Variants in NDUFS7 observed in about 807,000 individuals in gnomAD.
The protein encoded by NDUFS7 is NADH:ubiquinone oxidoreductase core subunit S7, also known as NADH dehydrogenase [ubiquinone] iron-sulfur protein 7, mitochondrial.
Under a neutral mutation model 31.1 loss-of-function variants are expected in NDUFS7, and 11 were observed. The ratio of observed to expected loss-of-function variants is 0.35; its 90% CI spans 0.22 to 0.59. The LOEUF is 0.59. Ranked by LOEUF, NDUFS7 falls within the 20% of genes least tolerant of loss-of-function variation. NDUFS7 has a pLI of 0.79. For missense variants in NDUFS7, 263 were observed against 324.2 expected (o/e 0.81, Z 1.45); for synonymous variants, 136 against 127.9 (o/e 1.06, Z -0.43).
chr19:1,395,362 G>A (rs1600155219), intron 7 of NDUFS7, 29 bp from the exon 8 acceptor site: 1 of 1,590,048 alleles, frequency 6.3e-7, no homozygotes, highest in East Asian at 2.3e-5. Context: ...CCGGCTGCGG[G>A]AAGCGAGACT....
rs986907405 is a variant in NDUFS7, at chr19:1,390,552, T to C, written c.229-319T>C. 7.9e-6 allele frequency: 4 copies of C among 509,040 alleles called. No homozygotes were observed. The East Asian group carries it at 1.4e-4, about 18-fold the overall frequency. 31.5% of individuals were successfully genotyped at this position (509,040 alleles called of 1,614,324 possible). ...GGTTAGACCTGCGCTACTACTCGCC[T>C]GTAGCCCACGCGCTCAGAGAGTGGC... On this transcript the variant is annotated intron_variant, in intron 4 of 7. Coordinates refer to ENST00000233627, the MANE Select transcript of NDUFS7 (RefSeq NM_024407.5).
Position 1,393,423 on chromosome 19 carries a change from C to A in NDUFS7, c.544+93C>A. On this transcript the variant is annotated intron_variant, in intron 7 of 7. Coordinates refer to ENST00000233627, the MANE Select transcript of NDUFS7 (RefSeq NM_024407.5). The surrounding 1 kb of genome is among the most constrained non-coding windows in gnomAD (Gnocchi z 7.3). ...GCCCCTGTGAGGGAGTCCCACACCC[C>A]CAGCAGACGGCGGGCTCCCCCATCC... 1.9e-6 allele frequency: 2 copies of A among 1,064,760 alleles called. No individual in the cohort carries two copies. Among genetic ancestry groups the A allele is most frequent in the Non-Finnish European group, 2.8e-6 (2 of 716,196 alleles). 66.0% of individuals were successfully genotyped at this position (1,064,760 alleles called of 1,614,324 possible).
At chr19:1,394,277 C>A in intron 7 of NDUFS7, 3 of 1,068,520 alleles carry the variant, frequency 2.8e-6, no homozygotes, top group Non-Finnish European at 3.8e-6. Flanking sequence ...GAGAGGGCAG[C>A]CTGGGCCTCC....
intron 4 of NDUFS7, chr19:1,389,442 GA>G (rs1250976079): frequency 1.3e-5 from 6 of 457,882 alleles, no homozygotes; most frequent in African/African-American, 2.0e-5. Flanking sequence ...GAGCAGGGCG[GA>G]CCCTCCCGGA....
chr19:1,392,293 C>T (rs1027833933), intron 6 of NDUFS7: 1 of 152,264 alleles, frequency 6.6e-6, no homozygotes, highest in African/African-American at 2.4e-5. Context: ...GCTGGGATTA[C>T]AGATGTACTC....
chr19:1,394,708 CT>C (rs1325565308), intron 7 of NDUFS7: 1 of 1,192,038 alleles, frequency 8.4e-7, no homozygotes, highest in Non-Finnish European at 1.1e-6. Flanking sequence ...GACTGTGCTT[CT>C]CCCTCCCTTG....
At chr19:1,391,411 C>T (rs577567737) in intron 6 of NDUFS7, among the ~76,000 whole-genome samples, 39 of 152,214 alleles carry the variant, frequency 2.6e-4, no homozygotes, top group African/African-American at 9.4e-4. Flanking sequence ...CTCTGCTTTA[C>T]TCACACATAA....
intron 4 of NDUFS7, chr19:1,390,628 A>G: frequency 1.7e-6 from 1 of 586,852 alleles, no homozygotes; most frequent in East Asian, 2.8e-5. Context: ...GGTTCGAGGA[A>G]CTATGTGATG....
intron 3 of NDUFS7, 97 bp from the exon 4 acceptor site, chr19:1,388,736 G>A: frequency 6.9e-7 from 1 of 1,444,912 alleles, no homozygotes; most frequent in East Asian, 2.5e-5. Context: ...ACCTCATGTG[G>A]GTCCAGGCCT....
At chr19:1,387,746 G>A (rs958165809) in intron 1 of NDUFS7, 65 bp from the exon 2 acceptor site, 37 of 1,497,020 alleles carry the variant, frequency 2.5e-5, no homozygotes, top group Middle Eastern at 1.7e-4. Context: ...ATGGGGAAGC[G>A]CCTGGAGGCC....
chr19:1,395,108 G>A, intron 7 of NDUFS7: 1 of 1,338,342 alleles, frequency 7.5e-7, no homozygotes. Flanking sequence ...CCGGGGGCCG[G>A]GTTAGTGAGG....
chr19:1,394,586 C>T, intron 7 of NDUFS7: 1 of 1,220,388 alleles, frequency 8.2e-7, no homozygotes, highest in Non-Finnish European at 1.0e-6. Flanking sequence ...GCGGACCGCG[C>T]TCGGCCCTCC....
At position 1,390,945 on chromosome 19, in the gene NDUFS7, C is replaced by T. The variant is rs539347670; in HGVS notation, c.303C>T (p.Tyr101=). Residue 101 remains tyrosine, a synonymous_variant, in exon 5 of 8, where the codon TAC becomes TAT. Transcript: ENST00000233627. The part of the protein sequence containing the change: ...VEMMHMAAPR[Y]DMDRFGVVFR... ...TGATGCACATGGCAGCACCCCGCTA[C>T]GACATGGACCGCTTTGGCGTGGTCT... 1.2e-5 allele frequency: 20 copies of T among 1,612,386 alleles called. 1 individual carries two copies. The highest frequency in any genetic ancestry group is 5.3e-5 in the African/African-American group (4 of 75,024).
chr19:1,385,675 T>G (rs1396048001), intron 1 of NDUFS7, among the ~76,000 whole-genome samples: 1 of 151,968 alleles, frequency 6.6e-6, no homozygotes, highest in East Asian at 1.9e-4. Flanking sequence ...CAAAATTAGC[T>G]GAGCGTGGTA....
chr19:1,393,663 C>T lies in NDUFS7; in HGVS notation c.544+333C>T. ...TACCAAGCGAGAAGGTTCCTGGGGG[C>T]CAAGGACACTGTCCCGCGCCCTCAG... On this transcript the variant is annotated intron_variant, in intron 7 of 7. Coordinates refer to ENST00000233627, the MANE Select transcript of NDUFS7 (RefSeq NM_024407.5). The surrounding 1 kb of genome is among the most constrained non-coding windows in gnomAD (Gnocchi z 7.3). 1 of 592,686 alleles carries T rather than the reference C, an allele frequency of 1.7e-6. No homozygotes were observed. The highest frequency in any genetic ancestry group is 2.8e-5 in the East Asian group (1 of 35,838). 36.7% of individuals were successfully genotyped at this position (592,686 alleles called of 1,614,324 possible). A position where few individuals can be genotyped will look rare whatever the true frequency, so the allele number is the denominator to read the frequency against.
rs1289530034 is a variant in NDUFS7, at chr19:1,391,040, C to T, written c.398C>T (p.Ala133Val). 4.3e-6 allele frequency: 7 copies of T among 1,613,242 alleles called. No homozygotes were observed. The highest frequency in any genetic ancestry group is 3.3e-5 in the South Asian group (3 of 91,082). The change falls in exon 5 of 8, where the codon GCG becomes GTG. Residue 133 changes from alanine to valine, a missense_variant. By Grantham distance (64) the Ala-to-Val change is moderately conservative. Coordinates refer to ENST00000233627, the MANE Select transcript of NDUFS7 (RefSeq NM_024407.5). Reference protein sequence around the residue: ...AGTLTNKMAPALRKVYDQMPE... With the variant: ...AGTLTNKMAPVLRKVYDQMPE... ...ACACTCACCAACAAGATGGCCCCAGCGCTTCGCAAGGTAGGCCTCGTCCCA... is the reference window on the plus strand; with the variant it reads ...ACACTCACCAACAAGATGGCCCCAGTGCTTCGCAAGGTAGGCCTCGTCCCA...
chr19:1,393,725 G>C lies in NDUFS7; in HGVS notation c.544+395G>C, dbSNP rs769542031. The C allele has an allele frequency of 1.7e-5, 9 of 534,572 alleles. No individual in the cohort carries two copies. Among genetic ancestry groups the C allele is most frequent in the Admixed American group, 3.2e-5 (1 of 30,968 alleles). The allele number at this position is 534,572 out of a possible 1,614,324, so 33.1% of individuals were successfully genotyped here. A position where few individuals can be genotyped will look rare whatever the true frequency, so the allele number is the denominator to read the frequency against. On this transcript the variant is annotated intron_variant, in intron 7 of 7. Coordinates refer to ENST00000233627, the MANE Select transcript of NDUFS7 (RefSeq NM_024407.5). The surrounding 1 kb of genome is among the most constrained non-coding windows in gnomAD (Gnocchi z 7.3). ...GGCACGCAGGACTCCCTGGGACCCG[G>C]GGTGGCCGGATTTGGCAAATGAAAA... is the stretch of plus-strand genomic sequence containing the variant.
chr19:1,389,863 A>T (rs75581521), intron 4 of NDUFS7: 12 of 277,108 alleles, frequency 4.3e-5, no homozygotes, highest in African/African-American at 2.5e-4. Flanking sequence ...CGAGACAAGG[A>T]TAGTTTTTAA....
intron 1 of NDUFS7, among the ~76,000 whole-genome samples, chr19:1,385,306 G>A (rs1402985832): frequency 2.6e-5 from 4 of 152,082 alleles, no homozygotes; most frequent in African/African-American, 9.7e-5. Context: ...CCTGAGGTCC[G>A]GAGTTCGAGA....
Sources: gnomAD v4.1 joint callset for allele counts (sites outside exome capture counted in the v4.1 genomes callset) on GRCh38, gnomAD v4.1.1 for gene constraint, Gnocchi (gnomAD v3.1) non-coding constraint, MANE v1.5 for transcripts, NCBI Gene and HGNC (gene_info 2026-07-23, HGNC 2026-07-21) for gene names.